The following SLC13A5 variants were observed in gnomAD, a reference collection of about 807,000 sequenced individuals.
SLC13A5 encodes solute carrier family 13 member 5, also known as Na(+)/citrate cotransporter.
Under a neutral mutation model 56.5 loss-of-function variants are expected in SLC13A5, and 25 were observed. The ratio of observed to expected loss-of-function variants is 0.44; its 90% CI spans 0.32 to 0.62. The LOEUF is 0.62. Ranked by LOEUF, SLC13A5 falls within the 20% of genes least tolerant of loss-of-function variation. SLC13A5 has a pLI of 0.04. For synonymous variants in SLC13A5, 307 were observed against 301.5 expected (o/e 1.02, Z -0.19); for missense variants, 649 against 737.8 (o/e 0.88, Z 1.39).
In SLC13A5 at chr17:6,706,715, C is replaced by T. The variant is rs755913824; in HGVS notation, c.295G>A (p.Ala99Thr). The T allele has an allele frequency of 6.2e-7, 1 of 1,614,050 alleles. No individual in the cohort carries two copies. The highest frequency in any genetic ancestry group is 2.2e-5 in the East Asian group (1 of 44,866). The change falls in exon 3 of 12, where the codon GCT becomes ACT. Residue 99 changes from alanine (A) to threonine (T), a missense_variant. By Grantham distance (58) the Ala-to-Thr change is moderately conservative. Coordinates refer to ENST00000433363, the MANE Select transcript of SLC13A5 (RefSeq NM_177550.5). ...TTGTGCAGGTTCCAGCGCTCCACAG[C>T]CACGGCCACGATGAGGCCGCCCAGG... ...LFLGGLIVAV[A>T]VERWNLHKRI...
rs59197080 is a variant in SLC13A5 at position 6,711,485 on chromosome 17, G to GGTGTGT, written c.102+1741_102+1746dup. On this transcript the variant is annotated intron_variant, in intron 1 of 11. Coordinates refer to ENST00000433363, the MANE Select transcript of SLC13A5 (RefSeq NM_177550.5). This position sits in a 1 kb window ranked among gnomAD's most constrained non-coding sequence, Gnocchi z 4.0. ...CACTGAGTTAGGGTTTCCAGTTCAGGGTGTGTGTGTGTGTGTGTGTGTATG... is the reference window on the plus strand; with the variant it reads ...CACTGAGTTAGGGTTTCCAGTTCAGGGTGTGTGTGTGTGTGTGTGTGTGTGTGTATG... 2.1e-3 allele frequency among the ~76,000 whole-genome samples: 317 copies of GGTGTGT among 148,208 alleles called. 1 individual carries two copies. Among genetic ancestry groups the GGTGTGT allele is most frequent in the Middle Eastern group, 6.9e-3 (2 of 290 alleles).
At position 6,693,152 on chromosome 17, in the gene SLC13A5, A is replaced by G. The variant is rs1186961442; in HGVS notation, c.1167T>C (p.Thr389=). The G allele has an allele frequency of 1.3e-6, 2 of 1,576,172 alleles. No homozygotes were observed. Among genetic ancestry groups the G allele is most frequent in the South Asian group, 2.2e-5 (2 of 90,006 alleles). Residue 389 remains threonine, a synonymous_variant, in exon 9 of 12, where the codon ACT becomes ACC. Coordinates refer to ENST00000433363, the MANE Select transcript of SLC13A5 (RefSeq NM_177550.5). ...FRSQTEEERK[T]PFYPPPLLDW... The stretch of plus-strand genomic sequence containing the variant: ...CCAGCAGGGGAGGGGGATAAAATGG[A>G]GTTTTCCTTTCTGGGAAGAAAAAGA...
At position 6,694,086 on chromosome 17, in the gene SLC13A5, A is replaced by G. The variant is rs1172086493; in HGVS notation, c.1156+11T>C. 2.5e-6 allele frequency: 4 copies of G among 1,594,926 alleles called. No homozygotes were observed. The highest frequency in any genetic ancestry group is 1.7e-4 in the Middle Eastern group (1 of 6,044). On this transcript the variant is annotated intron_variant, in intron 8 of 11. Coordinates refer to ENST00000433363, the MANE Select transcript of SLC13A5 (RefSeq NM_177550.5). ...GTCCTGATGACTGGGCGATCAGAAC[A>G]GGAGACTTACCTTCCTCAGTCTGGC...
intron 6 of SLC13A5, 57 bp downstream of exon 6, chr17:6,700,947 T>C: frequency 6.2e-7 from 1 of 1,608,636 alleles, no homozygotes; most frequent in Non-Finnish European, 8.5e-7. Flanking sequence ...CTGAGGGCTC[T>C]TCTGCAGCTT....
intron 10 of SLC13A5, among the ~76,000 whole-genome samples, chr17:6,690,337 C>A (rs1466332319): frequency 6.6e-6 from 1 of 152,094 alleles, no homozygotes; most frequent in Non-Finnish European, 1.5e-5. Flanking sequence ...AGAATTCTCT[C>A]TCCCTTCCTA....
chr17:6,712,661 G>A (rs1359473188), intron 1 of SLC13A5, among the ~76,000 whole-genome samples: 2 of 152,362 alleles, frequency 1.3e-5, no homozygotes, highest in East Asian at 3.9e-4. Flanking sequence ...AAGGAATGTG[G>A]ATCATAGATA....
rs1176896634 is a variant in SLC13A5 at position 6,690,889 on chromosome 17, C to T, written c.1327G>A (p.Val443Met). Reference protein sequence around the residue: ...MGKQMEPLHAVPPAAITLILS... With the variant: ...MGKQMEPLHAMPPAAITLILS... The stretch of plus-strand genomic sequence containing the variant: ...ATCAAGGTGATGGCTGCCGGGGGCA[C>T]TGCGTGCAAGGGCTCCATCTGCTTC... Residue 443 changes from valine to methionine, a missense_variant, in exon 10 of 12, where the codon GTG (valine) becomes ATG (methionine). Val to Met is a conservative substitution (Grantham distance 21, BLOSUM62 1). Coordinates refer to ENST00000433363, the MANE Select transcript of SLC13A5 (RefSeq NM_177550.5). 6.2e-7 allele frequency: 1 copy of T among 1,614,054 alleles called. No individual in the cohort carries two copies. Among genetic ancestry groups the T allele is most frequent in the African/African-American group, 1.3e-5 (1 of 74,930 alleles).
chr17:6,695,786 G>C lies in SLC13A5; in HGVS notation c.995C>G (p.Ser332Cys). 1.2e-6 allele frequency: 2 copies of C among 1,614,182 alleles called. No individual in the cohort carries two copies. The highest frequency in any genetic ancestry group is 1.7e-6 in the Non-Finnish European group (2 of 1,180,020). The change falls in exon 7 of 12, where the codon TCC (serine) becomes TGC (cysteine). Residue 332 changes from serine (S) to cysteine (C), a missense_variant. Coordinates refer to ENST00000433363, the MANE Select transcript of SLC13A5 (RefSeq NM_177550.5). ...GCCGGGCATGAAGCCGGGGTCTCGG[G>C]AGAACCACAGGATGACCAGCAGGAA... ...CFFLLVILWF[S>C]RDPGFMPGWL...
intron 2 of SLC13A5, 48 bp from the exon 3 acceptor site, chr17:6,706,826 C>T (rs769225404): frequency 6.2e-7 from 1 of 1,605,250 alleles, no homozygotes; most frequent in Admixed American, 1.7e-5. Context: ...TTGCCACACA[C>T]TAGAGCCACC....
At chr17:6,697,161 T>TCTG in intron 6 of SLC13A5, among the ~76,000 whole-genome samples, 1 of 152,296 alleles carries the variant, frequency 6.6e-6, no homozygotes, top group Non-Finnish European at 1.5e-5. Flanking sequence ...ACAGGGCCTC[T>TCTG]CTGCTGCCAC....
chr17:6,685,127 A>G lies in SLC13A5; in HGVS notation c.*1080T>C, dbSNP rs980536123. 6.6e-6 allele frequency: 1 copy of G among 152,226 alleles called. No homozygotes were observed. Among genetic ancestry groups the G allele is most frequent in the African/African-American group, 2.4e-5 (1 of 41,458 alleles). The allele number at this position is 152,226 out of a possible 1,614,324, so 9.4% of individuals were successfully genotyped here. On this transcript the variant is annotated 3_prime_UTR_variant, in exon 12 of 12. Coordinates refer to ENST00000433363, the MANE Select transcript of SLC13A5 (RefSeq NM_177550.5). The surrounding 1 kb of genome is among the most constrained non-coding windows in gnomAD (Gnocchi z 4.2). The stretch of plus-strand genomic sequence containing the variant: ...TCAATCTCAACGATCCTCTGTTGTC[A>G]CCAGCCATGGCTGTGAAGGCCAGTC...
chr17:6,698,991 C>T (rs1192807667), intron 6 of SLC13A5, among the ~76,000 whole-genome samples: 1 of 149,006 alleles, frequency 6.7e-6, no homozygotes, highest in Non-Finnish European at 1.5e-5. Flanking sequence ...TGCAGCGAGC[C>T]GAGATCATAC....
In SLC13A5 at chr17:6,711,485, G is replaced by GGTGTGTGT. The variant is rs59197080; in HGVS notation, c.102+1739_102+1746dup. Among the ~76,000 whole-genome samples the GGTGTGTGT allele has an allele frequency of 6.3e-3, 939 of 148,204 alleles. 11 individuals are homozygous for GGTGTGTGT. Among genetic ancestry groups the GGTGTGTGT allele is most frequent in the South Asian group, 0.037 (170 of 4,576 alleles). On this transcript the variant is annotated intron_variant, in intron 1 of 11. Transcript: ENST00000433363. The surrounding 1 kb of genome is among the most constrained non-coding windows in gnomAD (Gnocchi z 4.0). ...CACTGAGTTAGGGTTTCCAGTTCAGGGTGTGTGTGTGTGTGTGTGTGTATG... is the reference window on the plus strand; with the variant it reads ...CACTGAGTTAGGGTTTCCAGTTCAGGGTGTGTGTGTGTGTGTGTGTGTGTGTGTGTATG...
At chr17:6,705,575 T>C (rs1400812049) in intron 3 of SLC13A5, 1 of 152,068 alleles carries the variant, frequency 6.6e-6, no homozygotes, top group African/African-American at 2.4e-5. Flanking sequence ...CTGGAAGGAA[T>C]CAATGCCAGG....
chr17:6,706,993 C>A lies in SLC13A5; in HGVS notation c.231+35G>T, dbSNP rs377418349. 36 of 1,612,040 alleles carry A rather than the reference C, an allele frequency of 2.2e-5. 1 individual carries two copies. The highest frequency in any genetic ancestry group is 8.5e-7 in the Non-Finnish European group (1 of 1,179,312). ...ACTAGAGAAAGAGAGAAGGGGAGAA[C>A]CAGAAAGTCACCAGGATCCCTTGGG... On this transcript the variant is annotated intron_variant, in intron 2 of 11. Coordinates refer to ENST00000433363, the MANE Select transcript of SLC13A5 (RefSeq NM_177550.5).
chr17:6,693,483 C>T (rs1040889568), intron 8 of SLC13A5: 6 of 201,520 alleles, frequency 3.0e-5, no homozygotes, highest in Admixed American at 5.6e-5. Flanking sequence ...AGCAATATTA[C>T]TCCTAGAAGT....
intron 5 of SLC13A5, among the ~76,000 whole-genome samples, chr17:6,702,606 T>C (rs1973743474): frequency 1.3e-5 from 2 of 152,184 alleles, no homozygotes; most frequent in South Asian, 2.1e-4. Flanking sequence ...GGACCCAGCG[T>C]CTGGAAGTAC....
At chr17:6,699,715 C>T (rs569487188) in intron 6 of SLC13A5, among the ~76,000 whole-genome samples, 2 of 152,288 alleles carry the variant, frequency 1.3e-5, no homozygotes, top group Admixed American at 1.3e-4. Flanking sequence ...AGGCGATCCG[C>T]CCTCCTTGGC....
intron 1 of SLC13A5, among the ~76,000 whole-genome samples, chr17:6,710,426 G>A (rs895376040): frequency 2.5e-4 from 38 of 152,180 alleles, no homozygotes; most frequent in African/African-American, 8.7e-4. Flanking sequence ...CCCATATGGC[G>A]CACAAAGTCC....
Sources: gnomAD v4.1 joint callset for allele counts (sites outside exome capture counted in the v4.1 genomes callset) on GRCh38, gnomAD v4.1.1 for gene constraint, Gnocchi (gnomAD v3.1) non-coding constraint, MANE v1.5 for transcripts, NCBI Gene and HGNC (gene_info 2026-07-23, HGNC 2026-07-21) for gene names.